DGKB: variants seen among roughly 807,000 people sequenced by gnomAD.
The protein encoded by DGKB is diacylglycerol kinase beta.
DGKB carries 67 observed loss-of-function variants against 114.3 expected under a neutral mutation model. The observed-to-expected ratio is 0.59, with a 90% confidence interval of 0.48 to 0.72. DGKB has a LOEUF of 0.72. Ranked by LOEUF, DGKB falls within the 30% of genes least tolerant of loss-of-function variation. The pLI, the probability that DGKB is intolerant of heterozygous loss-of-function variation, is 0.00. For synonymous variants in DGKB, 398 were observed against 323.1 expected (o/e 1.23, Z -2.49); for missense variants, 907 against 975.2 (o/e 0.93, Z 0.93).
chr7:14,264,255 C>T (rs940127341), intron 23 of DGKB, among the ~76,000 whole-genome samples: 6 of 152,178 alleles, frequency 3.9e-5, no homozygotes, highest in Non-Finnish European at 7.4e-5. Context: ...AAAGATAATT[C>T]ACAGCTCTTC....
intron 21 of DGKB, among the ~76,000 whole-genome samples, chr7:14,349,275 T>G (rs750231191): frequency 6.6e-6 from 1 of 152,086 alleles, no homozygotes; most frequent in African/African-American, 2.4e-5. Context: ...TCTGAATGCA[T>G]AGACGAGAAT....
At chr7:14,240,942 T>C (rs540239925) in intron 23 of DGKB, among the ~76,000 whole-genome samples, 1 of 152,222 alleles carries the variant, frequency 6.6e-6, no homozygotes, top group South Asian at 2.1e-4. Flanking sequence ...TTAGACAGAA[T>C]CTCTCCAGGT....
At chr7:14,234,058 C>T (rs1246081959) in intron 23 of DGKB, among the ~76,000 whole-genome samples, 1 of 152,042 alleles carries the variant, frequency 6.6e-6, no homozygotes, top group African/African-American at 2.4e-5. Context: ...CAAGTACAGG[C>T]CCTTCTGAGC....
intron 20 of DGKB, among the ~76,000 whole-genome samples, chr7:14,504,539 T>C (rs1786717549): frequency 6.6e-6 from 1 of 152,214 alleles, no homozygotes; most frequent in Non-Finnish European, 1.5e-5. Flanking sequence ...ATTCACAGAA[T>C]GTCATTCATC....
intron 1 of DGKB, among the ~76,000 whole-genome samples, chr7:14,915,377 T>C (rs2128245085): frequency 6.6e-6 from 1 of 152,188 alleles, no homozygotes; most frequent in Admixed American, 6.5e-5. Flanking sequence ...AATGTGACCC[T>C]AACGCCATAA....
At chr7:14,670,078 G>T (rs116055129) in intron 13 of DGKB, among the ~76,000 whole-genome samples, 2,014 of 151,806 alleles carry the variant, frequency 0.013, 40 homozygotes, top group African/African-American at 0.046. Flanking sequence ...CATGAATAAA[G>T]GCCTATTTGA....
chr7:14,610,301 G>A (rs1479848347), intron 16 of DGKB, among the ~76,000 whole-genome samples: 1 of 151,918 alleles, frequency 6.6e-6, no homozygotes, highest in Non-Finnish European at 1.5e-5. Context: ...TGTACTGCAC[G>A]AAATGTTAAG....
At chr7:14,373,954 G>T (rs1025182140) in intron 21 of DGKB, among the ~76,000 whole-genome samples, 1 of 151,908 alleles carries the variant, frequency 6.6e-6, no homozygotes, top group Non-Finnish European at 1.5e-5. Flanking sequence ...TATCCCCTAG[G>T]CATCTGCCAA....
chr7:14,936,081 A>G (rs1220600407), intron 1 of DGKB, among the ~76,000 whole-genome samples: 4 of 152,288 alleles, frequency 2.6e-5, no homozygotes, highest in Middle Eastern at 3.4e-3. Flanking sequence ...GATTTTTCAG[A>G]GCCTTGAGTT....
chr7:14,971,851 C>T (rs555444041), intron 1 of DGKB, among the ~76,000 whole-genome samples: 119 of 151,484 alleles, frequency 7.9e-4, no homozygotes, highest in Non-Finnish European at 8.5e-4. Flanking sequence ...CAGCCTCAGC[C>T]TCCGGGGTTC....
At chr7:14,267,771 G>A (rs1179556548) in intron 23 of DGKB, among the ~76,000 whole-genome samples, 1 of 152,122 alleles carries the variant, frequency 6.6e-6, no homozygotes, top group African/African-American at 2.4e-5. Flanking sequence ...TTACAGGCGT[G>A]AGCCACCGTT....
At chr7:14,274,391 T>C (rs550896794) in intron 23 of DGKB, among the ~76,000 whole-genome samples, 2 of 152,294 alleles carry the variant, frequency 1.3e-5, no homozygotes, top group South Asian at 4.1e-4. Context: ...CAAGTCACTT[T>C]CTACTAAACT....
intron 25 of DGKB, among the ~76,000 whole-genome samples, chr7:14,166,860 G>A (rs1784682430): frequency 1.3e-5 from 2 of 151,970 alleles, no homozygotes; most frequent in South Asian, 4.2e-4. Flanking sequence ...CTGTCCTACT[G>A]GTACAAAAAT....
chr7:14,491,965 G>A (rs1784657122), intron 20 of DGKB, among the ~76,000 whole-genome samples: 1 of 151,854 alleles, frequency 6.6e-6, no homozygotes. Context: ...AAAGAACATT[G>A]TAAAAAGTGA....
At chr7:14,225,533 T>TA (rs1196878173) in intron 23 of DGKB, among the ~76,000 whole-genome samples, 1 of 152,066 alleles carries the variant, frequency 6.6e-6, no homozygotes, top group East Asian at 1.9e-4. Context: ...TTTTACTTTT[T>TA]AAAAAATCTA....
intron 2 of DGKB, among the ~76,000 whole-genome samples, 162 bp downstream of exon 2, chr7:14,841,032 T>G (rs1562684891): frequency 6.6e-6 from 1 of 152,150 alleles, no homozygotes; most frequent in Non-Finnish European, 1.5e-5. Context: ...CTTTCTCTTG[T>G]GTCAAAAAGG....
At chr7:14,745,567 G>A (rs1833160042) in intron 4 of DGKB, among the ~76,000 whole-genome samples, 1 of 152,196 alleles carries the variant, frequency 6.6e-6, no homozygotes, top group Admixed American at 6.5e-5. Context: ...ATGCTCAGTA[G>A]GGAAATAAAT....
intron 6 of DGKB, 50 bp from the exon 7 acceptor site, chr7:14,701,780 T>C (rs772222331): frequency 2.3e-6 from 3 of 1,277,134 alleles, no homozygotes; most frequent in East Asian, 2.3e-5. Context: ...ATAAGATCAA[T>C]GTTAGTTTAA....
Position 14,242,322 on chromosome 7 carries a change from G to A in DGKB, c.2123-64171C>T, listed in dbSNP as rs370068821. On this transcript the variant is annotated intron_variant, in intron 23 of 25. Transcript: ENST00000402815. ...GCCCTGCAGGGCAAAGAAGCAGTAG[G>A]GCACCTGTCCTTACATTGTCCTGAA... is the stretch of plus-strand genomic sequence containing the variant. Among the ~76,000 whole-genome samples the A allele has an allele frequency of 1.2e-3, 181 of 152,234 alleles. 1 individual carries two copies. The highest frequency in any genetic ancestry group is 4.1e-3 in the African/African-American group (172 of 41,552).
Sources: gnomAD v4.1 joint callset for allele counts (sites outside exome capture counted in the v4.1 genomes callset) on GRCh38, gnomAD v4.1.1 for gene constraint, MANE v1.5 for transcripts, NCBI Gene and HGNC (gene_info 2026-07-23, HGNC 2026-07-21) for gene names.